CNTNAP2: variants seen among roughly 807,000 people sequenced by gnomAD.
CNTNAP2 encodes contactin associated protein 2.
CNTNAP2 carries 98 observed loss-of-function variants against 155.2 expected under a neutral mutation model. The observed-to-expected ratio is 0.63, with a 90% CI of 0.54 to 0.75. CNTNAP2 has a LOEUF of 0.75. CNTNAP2 is among the 30% of genes least tolerant of loss of function. CNTNAP2 has a pLI of 0.00. For missense variants in CNTNAP2, 1,727 were observed against 1,688.1 expected (o/e 1.02, Z -0.40); for synonymous variants, 651 against 631.2 (o/e 1.03, Z -0.47).
intron 13 of CNTNAP2, among the ~76,000 whole-genome samples, chr7:147,642,011 C>CGTGTGTGTGT (rs3053478): frequency 4.7e-5 from 7 of 149,712 alleles, no homozygotes; most frequent in African/African-American, 1.2e-4. Context: ...TGTGTGTGTG[C>CGTGTGTGTGT]GTGTGTGTGT....
chr7:147,480,352 T>C (rs1202231365), intron 10 of CNTNAP2, among the ~76,000 whole-genome samples: 1 of 152,206 alleles, frequency 6.6e-6, no homozygotes, highest in Non-Finnish European at 1.5e-5. Context: ...AAGGCATATT[T>C]AATGTCCAGG....
chr7:147,446,030 T>C (rs1195500183), intron 10 of CNTNAP2, among the ~76,000 whole-genome samples: 1 of 152,070 alleles, frequency 6.6e-6, no homozygotes, highest in Non-Finnish European at 1.5e-5. Context: ...ATAAATCGCC[T>C]ACCACCCTAC....
intron 1 of CNTNAP2, among the ~76,000 whole-genome samples, chr7:146,523,334 A>T (rs1797642029): frequency 6.6e-6 from 1 of 152,106 alleles, no homozygotes; most frequent in Non-Finnish European, 1.5e-5. Flanking sequence ...TTTATGATTA[A>T]AAATTTTAAG....
intron 15 of CNTNAP2, among the ~76,000 whole-genome samples, chr7:147,987,719 G>C (rs1801643510): frequency 6.6e-6 from 1 of 152,072 alleles, no homozygotes; most frequent in African/African-American, 2.4e-5. Flanking sequence ...TTTTGAGACA[G>C]AGTCTTGCTC....
At chr7:148,391,995 A>G (rs1161025519) in intron 22 of CNTNAP2, among the ~76,000 whole-genome samples, 1 of 152,256 alleles carries the variant, frequency 6.6e-6, no homozygotes, top group Non-Finnish European at 1.5e-5. Context: ...TTAAAATATC[A>G]TTAAAATAGA....
intron 5 of CNTNAP2, among the ~76,000 whole-genome samples, chr7:147,117,191 G>A (rs769303911): frequency 7.2e-5 from 11 of 152,110 alleles, no homozygotes; most frequent in African/African-American, 2.7e-4. Flanking sequence ...TCCCAGGGTG[G>A]AGTTTGTAAA....
chr7:146,667,711 G>C (rs1430325056), intron 1 of CNTNAP2, among the ~76,000 whole-genome samples: 2 of 68,056 alleles, frequency 2.9e-5, no homozygotes, highest in African/African-American at 1.2e-4. Context: ...TCACTTTTAG[G>C]TTTCCTCTTT....
intron 13 of CNTNAP2, among the ~76,000 whole-genome samples, chr7:147,667,571 C>A (rs1453748446): frequency 2.6e-5 from 4 of 152,074 alleles, no homozygotes. Context: ...ATTACTATGC[C>A]AGCAAAATGA....
At position 146,362,763 on chromosome 7, in the gene CNTNAP2, G is replaced by A. The variant is rs1014636325; in HGVS notation, c.97+245790G>A. On this transcript the variant is annotated intron_variant, in intron 1 of 23. Coordinates refer to ENST00000361727, the MANE Select transcript of CNTNAP2 (RefSeq NM_014141.6). ...AGCAATGATATTAAATATTCACACA[G>A]CACTTTTTTTTTTTTTTTTTTTTTT... Among the ~76,000 whole-genome samples, 3 of 139,274 alleles carry A rather than the reference G, an allele frequency of 2.2e-5. No individual in the cohort carries two copies. In the Admixed American group the frequency reaches 2.4e-4, roughly 11 times the overall value. 91.4% of individuals were successfully genotyped at this position (139,274 alleles called of 152,430 possible). A position where few individuals can be genotyped will look rare whatever the true frequency, so the allele number is the denominator to read the frequency against.
At chr7:146,641,762 C>T (rs1259729815) in intron 1 of CNTNAP2, among the ~76,000 whole-genome samples, 1 of 152,098 alleles carries the variant, frequency 6.6e-6, no homozygotes, top group African/African-American at 2.4e-5. Context: ...TTTGTCACTG[C>T]AGAGAGAATT....
Position 148,413,431 on chromosome 7 carries a change from T to A in CNTNAP2, c.3797-1986T>A, listed in dbSNP as rs1412117209. ...ATATATATATATATATATATATATA[T>A]ATATATATATATATATTGCTCCATA... On this transcript the variant is annotated intron_variant, in intron 23 of 23. Coordinates refer to ENST00000361727, the MANE Select transcript of CNTNAP2 (RefSeq NM_014141.6). 2.8e-3 allele frequency among the ~76,000 whole-genome samples: 292 copies of A among 104,788 alleles called. 50 individuals are homozygous for A. Among genetic ancestry groups the A allele is most frequent in the Non-Finnish European group, 3.4e-3 (176 of 52,416 alleles). The allele number at this position is 104,788 out of a possible 152,430, so 68.7% of individuals were successfully genotyped here. A position where few individuals can be genotyped will look rare whatever the true frequency, so the allele number is the denominator to read the frequency against.
At chr7:147,500,470 AT>A (rs2116666864) in intron 11 of CNTNAP2, among the ~76,000 whole-genome samples, 1 of 152,206 alleles carries the variant, frequency 6.6e-6, no homozygotes, top group Non-Finnish European at 1.5e-5. Flanking sequence ...ACCCTATTGT[AT>A]TGACATAAGC....
intron 3 of CNTNAP2, among the ~76,000 whole-genome samples, chr7:146,871,010 A>G (rs1795294697): frequency 6.6e-6 from 1 of 152,204 alleles, no homozygotes; most frequent in Non-Finnish European, 1.5e-5. Context: ...TTACTTTGCT[A>G]AAAACTTACA....
intron 1 of CNTNAP2, among the ~76,000 whole-genome samples, chr7:146,440,741 C>A (rs1374213888): frequency 6.6e-6 from 1 of 151,490 alleles, no homozygotes; most frequent in Non-Finnish European, 1.5e-5. Context: ...TCTTTTATAC[C>A]ACAACCCGGA....
chr7:146,630,354 G>A (rs918884099), intron 1 of CNTNAP2, among the ~76,000 whole-genome samples: 13 of 152,118 alleles, frequency 8.5e-5, no homozygotes, highest in Non-Finnish European at 1.9e-4. Context: ...TGGTGCATAT[G>A]TGCCACCTTT....
chr7:146,912,434 A>C (rs1227463789), intron 3 of CNTNAP2, among the ~76,000 whole-genome samples: 5 of 152,142 alleles, frequency 3.3e-5, no homozygotes, highest in Non-Finnish European at 1.5e-5. Flanking sequence ...AATAAGAAAA[A>C]AGATAAATAC....
intron 13 of CNTNAP2, among the ~76,000 whole-genome samples, chr7:147,801,378 T>G (rs951556095): frequency 6.6e-6 from 1 of 150,654 alleles, no homozygotes; most frequent in Non-Finnish European, 1.5e-5. Flanking sequence ...CAGAGGGGGA[T>G]TTGGCAGGGT....
intron 16 of CNTNAP2, among the ~76,000 whole-genome samples, chr7:148,144,217 T>G (rs1161953138): frequency 6.6e-6 from 1 of 152,194 alleles, no homozygotes; most frequent in Non-Finnish European, 1.5e-5. Context: ...AAGATACAGA[T>G]AGTGTCTTCC....
At chr7:146,398,208 G>A (rs1217038666) in intron 1 of CNTNAP2, among the ~76,000 whole-genome samples, 1 of 57,108 alleles carries the variant, frequency 1.8e-5, no homozygotes, top group Admixed American at 2.1e-4. Flanking sequence ...TTTTTTTTTA[G>A]CATATCAGTG....
Sources: gnomAD v4.1 joint callset for allele counts (sites outside exome capture counted in the v4.1 genomes callset) on GRCh38, gnomAD v4.1.1 for gene constraint, MANE v1.5 for transcripts, NCBI Gene and HGNC (gene_info 2026-07-23, HGNC 2026-07-21) for gene names.